Variants in TECPR2 observed in about 807,000 individuals in gnomAD.
TECPR2 encodes the protein tectonin beta-propeller repeat-containing protein 2.
Under a neutral mutation model 138.1 loss-of-function variants are expected in TECPR2, and 65 were observed. The ratio of observed to expected loss-of-function variants is 0.47; its 90% CI spans 0.39 to 0.58. The LOEUF (loss-of-function observed/expected upper bound fraction) is 0.58. Among genes scored for constraint, TECPR2 ranks in the 20% least tolerant of loss-of-function variants. The probability of loss-of-function intolerance (pLI) is 0.00; values close to 1 mark genes in which losing one functional copy is unlikely to be tolerated. For synonymous variants in TECPR2, 746 were observed against 749.8 expected (o/e 0.99, Z 0.08); for missense variants, 1,553 against 1,824.5 (o/e 0.85, Z 2.71).
intron 16 of TECPR2, among the ~76,000 whole-genome samples, chr14:102,460,054 T>C (rs1297676664): frequency 2.6e-5 from 4 of 152,040 alleles, no homozygotes; most frequent in Non-Finnish European, 5.9e-5. Context: ...GAGGATCACT[T>C]AAGGCCAGGA....
chr14:102,419,047 G>A lies in TECPR2; in HGVS notation c.638+4254G>A, dbSNP rs1460470691. 3.3e-5 allele frequency among the ~76,000 whole-genome samples: 5 copies of A among 152,084 alleles called. No individual in the cohort carries two copies. Among genetic ancestry groups the A allele is most frequent in the African/African-American group, 1.2e-4 (5 of 41,410 alleles). Reference sequence around the variant, plus strand: ...GAGGCGGGTGGCGGGTGTACCTCTCGGGGAGCTGTGCGCTGGCAGCCACTG... The same window carrying A: ...GAGGCGGGTGGCGGGTGTACCTCTCAGGGAGCTGTGCGCTGGCAGCCACTG... On this transcript the variant is annotated intron_variant, in intron 5 of 19. Transcript: ENST00000359520. This position sits in a 1 kb window ranked among gnomAD's most constrained non-coding sequence, Gnocchi z 4.8.
chr14:102,432,082 C>A lies in TECPR2; in HGVS notation c.1371C>A (p.Val457=), dbSNP rs1276489162. ...ISSEDFDQEL[V]VKPIKVKRKK... ...CAGAGGACTTTGACCAGGAGCTTGT[C>A]GTGAAGCCTATCAAAGTGAAAAGGA... The change falls in exon 8 of 20, where the codon GTC becomes GTA. Residue 457 remains valine (V), a synonymous_variant. Transcript: ENST00000359520. 1.9e-6 allele frequency: 3 copies of A among 1,608,130 alleles called. No homozygotes were observed. The highest frequency in any genetic ancestry group is 2.2e-5 in the South Asian group (2 of 90,718).
chr14:102,455,389 G>A (rs1012842492), intron 16 of TECPR2, among the ~76,000 whole-genome samples: 4 of 152,188 alleles, frequency 2.6e-5, no homozygotes, highest in African/African-American at 9.7e-5. Context: ...GACAGAGCTG[G>A]GCCCCAGGCG....
chr14:102,380,939 A>G (rs1161626646), intron 2 of TECPR2, among the ~76,000 whole-genome samples: 1 of 150,572 alleles, frequency 6.6e-6, no homozygotes, highest in African/African-American at 2.4e-5. Context: ...CGGCCTCCCA[A>G]AGTGCTGGGA....
chr14:102,459,548 G>T (rs1358592959), intron 16 of TECPR2, among the ~76,000 whole-genome samples: 1 of 152,074 alleles, frequency 6.6e-6, no homozygotes, highest in Non-Finnish European at 1.5e-5. Flanking sequence ...GAGAGGCCAA[G>T]GTGCGTAGAT....
rs550486528 is a variant in TECPR2, at chr14:102,473,491, G to A, written c.3789+8202G>A. The stretch of plus-strand genomic sequence containing the variant: ...CTTCGACTTGAGCTTCTTCATCTGC[G>A]TAGAGGATGTATTTGCAGTGGAAAA... On this transcript the variant is annotated intron_variant, in intron 17 of 19. Transcript: ENST00000359520. Among the ~76,000 whole-genome samples, 30 of 152,292 alleles carry A rather than the reference G, an allele frequency of 2.0e-4. No individual in the cohort carries two copies. The East Asian group carries it at 3.9e-3, about 20-fold the overall frequency.
intron 17 of TECPR2, among the ~76,000 whole-genome samples, chr14:102,485,450 A>C (rs753579060): frequency 6.6e-6 from 1 of 152,146 alleles, no homozygotes; most frequent in Non-Finnish European, 1.5e-5. Flanking sequence ...CTCTTCTTCA[A>C]AACTTGCTTC....
At chr14:102,399,455 C>T (rs1450256758) in intron 2 of TECPR2, among the ~76,000 whole-genome samples, 1 of 152,092 alleles carries the variant, frequency 6.6e-6, no homozygotes, top group Non-Finnish European at 1.5e-5. Context: ...AGCCACAAGA[C>T]CTGCCCCGCA....
chr14:102,407,530 T>C, intron 3 of TECPR2, 64 bp downstream of exon 3: 3 of 1,523,798 alleles, frequency 2.0e-6, no homozygotes, highest in Admixed American at 2.1e-5. Context: ...TTTTTAAAAT[T>C]AGAAATCCTC....
Position 102,435,014 on chromosome 14 carries a change from G to A in TECPR2, c.2197G>A (p.Ala733Thr). The A allele has an allele frequency of 6.2e-7, 1 of 1,614,094 alleles. No individual in the cohort carries two copies. The highest frequency in any genetic ancestry group is 8.5e-7 in the Non-Finnish European group (1 of 1,180,020). ...GCTGACTCCGGTCTCTGCCTTGGCA[G>A]CCAGCACTCACAAGCCCTGGCTTGA... ...GQLTPVSALAASTHKPWLEQP... is the reference protein window; with the variant it reads ...GQLTPVSALATSTHKPWLEQP... Residue 733 changes from alanine (A) to threonine (T), a missense_variant, in exon 9 of 20, where the codon GCC becomes ACC. Physicochemically the swap from Ala to Thr is moderately conservative, Grantham distance 58. Transcript: ENST00000359520.
Position 102,407,209 on chromosome 14 carries a change from C to G in TECPR2, c.220-129C>G, listed in dbSNP as rs529108796. On this transcript the variant is annotated intron_variant, in intron 2 of 19. Coordinates refer to ENST00000359520, the MANE Select transcript of TECPR2 (RefSeq NM_014844.5). ...CAGATGTAATTTCTGACTTGTATAC[C>G]TTTTCAATCAAGAATATGTATGGAC... 1.1e-5 allele frequency: 14 copies of G among 1,240,136 alleles called. No homozygotes were observed. The East Asian group carries it at 3.4e-4, about 30-fold the overall frequency. The allele number at this position is 1,240,136 out of a possible 1,614,324, so 76.8% of individuals were successfully genotyped here. A position where few individuals can be genotyped will look rare whatever the true frequency, so the allele number is the denominator to read the frequency against.
In TECPR2 at chr14:102,407,549, A is replaced by G. The variant is rs60215817; in HGVS notation, c.348+83A>G. On this transcript the variant is annotated intron_variant, in intron 3 of 19. Coordinates refer to ENST00000359520, the MANE Select transcript of TECPR2 (RefSeq NM_014844.5). Reference sequence around the variant, plus strand: ...TAAAATTAGAAATCCTCATCTGCTTAGAAAGTTTATGCTCAGAGAAAGCCG... The same window carrying G: ...TAAAATTAGAAATCCTCATCTGCTTGGAAAGTTTATGCTCAGAGAAAGCCG... 449,912 of 1,484,050 alleles carry G rather than the reference A, an allele frequency of 0.3. 71,601 individuals carry two copies. Among genetic ancestry groups the G allele is most frequent in the East Asian group, 0.44 (17,761 of 40,206 alleles). 91.9% of individuals were successfully genotyped at this position (1,484,050 alleles called of 1,614,324 possible).
At chr14:102,453,373 A>G (rs139758412) in intron 16 of TECPR2, among the ~76,000 whole-genome samples, 6,351 of 152,066 alleles carry the variant, frequency 0.042, 158 homozygotes, top group Middle Eastern at 0.092. Context: ...TCAGCTACTC[A>G]GGAGGCTGAG....
At chr14:102,371,300 C>T (rs1357588839) in intron 1 of TECPR2, among the ~76,000 whole-genome samples, 1 of 152,220 alleles carries the variant, frequency 6.6e-6, no homozygotes, top group Non-Finnish European at 1.5e-5. Flanking sequence ...GCTGTGTCTG[C>T]ATTGTTTTTC....
In TECPR2 at chr14:102,498,140, C is replaced by T. The variant is rs536343745; in HGVS notation, c.4119C>T (p.Pro1373=). Residue 1373 remains proline (P), a synonymous_variant, in exon 20 of 20, where the codon CCC becomes CCT. Coordinates refer to ENST00000359520, the MANE Select transcript of TECPR2 (RefSeq NM_014844.5). The part of the protein sequence containing the change: ...ASDELWAVGP[P]GYLLQRLTKT... The stretch of plus-strand genomic sequence containing the variant: ...ATGAGCTGTGGGCTGTGGGCCCGCC[C>T]GGCTACCTCCTCCAACGGCTGACAA... The T allele has an allele frequency of 1.5e-5, 25 of 1,613,376 alleles. No homozygotes were observed. In the East Asian group the frequency reaches 1.6e-4, roughly 10 times the overall value.
At chr14:102,421,868 C>A (rs1377101180) in intron 5 of TECPR2, among the ~76,000 whole-genome samples, 2 of 152,118 alleles carry the variant, frequency 1.3e-5, no homozygotes, top group Non-Finnish European at 2.9e-5. Flanking sequence ...GGCTGGACAT[C>A]GAGCCCAGGG....
At chr14:102,469,975 A>G (rs183671211) in intron 17 of TECPR2, among the ~76,000 whole-genome samples, 202 of 152,178 alleles carry the variant, frequency 1.3e-3, no homozygotes, top group African/African-American at 4.8e-3. Flanking sequence ...TTGTATGTAT[A>G]TGTTGCTGGA....
At chr14:102,377,666 A>G (rs1030131226) in intron 2 of TECPR2, among the ~76,000 whole-genome samples, 43 of 152,182 alleles carry the variant, frequency 2.8e-4, no homozygotes, top group African/African-American at 1.0e-3. Context: ...AGATCACACC[A>G]CTGCACTCCA....
chr14:102,456,515 G>A (rs1003949745), intron 16 of TECPR2, among the ~76,000 whole-genome samples: 42 of 151,860 alleles, frequency 2.8e-4, no homozygotes, highest in Admixed American at 2.4e-3. Flanking sequence ...TCCCCTCAAC[G>A]AGTATCTGCT....
Sources: gnomAD v4.1 joint callset for allele counts (sites outside exome capture counted in the v4.1 genomes callset) on GRCh38, gnomAD v4.1.1 for gene constraint, Gnocchi (gnomAD v3.1) non-coding constraint, MANE v1.5 for transcripts, NCBI Gene and HGNC (gene_info 2026-07-23, HGNC 2026-07-21) for gene names.